The following CDH18 variants were observed in gnomAD, a reference collection of about 807,000 sequenced individuals.
CDH18 encodes the protein cadherin-18.
A neutral mutation model predicts 67.9 loss-of-function variants in CDH18; 31 were observed. The ratio of observed to expected loss-of-function variants is 0.46; its 90% confidence interval spans 0.34 to 0.62. The LOEUF (loss-of-function observed/expected upper bound fraction) is 0.62, where lower values mean the gene tolerates loss of function less well. Ranked by LOEUF, CDH18 falls within the 20% of genes least tolerant of loss-of-function variation. The probability of loss-of-function intolerance (pLI) is 0.01; values close to 1 mark genes in which losing one functional copy is unlikely to be tolerated. For missense variants in CDH18, 890 were observed against 975.5 expected (o/e 0.91, Z 1.17); for synonymous variants, 362 against 347.2 (o/e 1.04, Z -0.48).
intron 2 of CDH18, among the ~76,000 whole-genome samples, chr5:20,051,682 A>G (rs112815235): frequency 6.6e-6 from 1 of 152,174 alleles, no homozygotes; most frequent in African/African-American, 2.4e-5. Flanking sequence ...ATGGAGAATG[A>G]TAATTTAAAG....
intron 5 of CDH18, among the ~76,000 whole-genome samples, chr5:19,719,903 G>GAGAAAGAAAGAAAAAGAA (rs1765810825): frequency 2.3e-5 from 3 of 130,872 alleles, no homozygotes; most frequent in African/African-American, 9.1e-5. Context: ...AGTTAAGCAA[G>GAGAAAGAAAGAAAAAGAA]AGAAAGAAAG....
chr5:20,552,717 C>T (rs2126625680), intron 1 of CDH18, among the ~76,000 whole-genome samples: 1 of 151,912 alleles, frequency 6.6e-6, no homozygotes, highest in South Asian at 2.1e-4. Flanking sequence ...CGTGAAATTT[C>T]ATTTTCTCAA....
intron 1 of CDH18, among the ~76,000 whole-genome samples, chr5:20,390,348 C>CA (rs1298216876): frequency 6.6e-6 from 1 of 152,132 alleles, no homozygotes; most frequent in South Asian, 2.1e-4. Context: ...AGACACTTCT[C>CA]AAAGGAGAGA....
intron 2 of CDH18, among the ~76,000 whole-genome samples, chr5:20,066,147 G>C (rs1561762400): frequency 6.6e-6 from 1 of 151,910 alleles, no homozygotes; most frequent in Non-Finnish European, 1.5e-5. Flanking sequence ...AAGCCAAGCT[G>C]GAACATCAAC....
At chr5:19,540,143 T>C (rs958695755) in intron 9 of CDH18, among the ~76,000 whole-genome samples, 1 of 151,930 alleles carries the variant, frequency 6.6e-6, no homozygotes, top group Non-Finnish European at 1.5e-5. Context: ...ATGGGAAAAA[T>C]TGGCCGAAAC....
At chr5:19,625,312 C>T (rs556006322) in intron 5 of CDH18, among the ~76,000 whole-genome samples, 1 of 151,964 alleles carries the variant, frequency 6.6e-6, no homozygotes, top group East Asian at 1.9e-4. Context: ...TTGTTTTTGA[C>T]AAATTATTTG....
chr5:19,716,274 G>A (rs191411419), intron 5 of CDH18, among the ~76,000 whole-genome samples: 3 of 152,000 alleles, frequency 2.0e-5, no homozygotes, highest in Non-Finnish European at 4.4e-5. Flanking sequence ...TAATTAATTC[G>A]ATCAATTTAT....
intron 2 of CDH18, among the ~76,000 whole-genome samples, chr5:20,035,660 G>A (rs1163634986): frequency 6.6e-6 from 1 of 152,002 alleles, no homozygotes. Context: ...ACCTCCCACT[G>A]GGTCCATCCC....
intron 1 of CDH18, among the ~76,000 whole-genome samples, chr5:20,336,687 C>A (rs546527170): frequency 7.4e-6 from 1 of 134,366 alleles, no homozygotes; most frequent in South Asian, 2.4e-4. Flanking sequence ...CACACCACTG[C>A]ACTCCAGCCT....
chr5:19,628,464 A>G (rs1751888651), intron 5 of CDH18, among the ~76,000 whole-genome samples: 1 of 152,174 alleles, frequency 6.6e-6, no homozygotes. Flanking sequence ...TAAAAGAGAA[A>G]TGAAATAAAG....
chr5:20,312,745 A>G (rs571009536), intron 1 of CDH18, among the ~76,000 whole-genome samples: 2 of 152,240 alleles, frequency 1.3e-5, no homozygotes, highest in East Asian at 3.9e-4. Context: ...TATTAGTCTT[A>G]AAGATAGTTT....
At chr5:20,452,231 A>G (rs1469329192) in intron 1 of CDH18, among the ~76,000 whole-genome samples, 1 of 152,170 alleles carries the variant, frequency 6.6e-6, no homozygotes, top group Admixed American at 6.6e-5. Flanking sequence ...CATGGGATTG[A>G]TTTCATTAAC....
intron 1 of CDH18, among the ~76,000 whole-genome samples, chr5:20,300,301 T>C (rs73764934): frequency 0.051 from 3,500 of 68,962 alleles, 141 homozygotes; most frequent in African/African-American, 0.11. Flanking sequence ...GTTGTGTGTG[T>C]GCGTGTGTGT....
At chr5:20,362,682 A>G (rs1039298476) in intron 1 of CDH18, among the ~76,000 whole-genome samples, 1 of 152,152 alleles carries the variant, frequency 6.6e-6, no homozygotes, top group African/African-American at 2.4e-5. Context: ...CATGCTAGTG[A>G]TGCCTGGCAA....
At chr5:19,504,625 TTAAA>T (rs773321014) in intron 10 of CDH18, among the ~76,000 whole-genome samples, 11 of 152,070 alleles carry the variant, frequency 7.2e-5, no homozygotes, top group Non-Finnish European at 1.2e-4. Context: ...TTTTTAAGGG[TTAAA>T]TAAATATTTA....
At chr5:19,827,729 C>T (rs1276551415) in intron 3 of CDH18, among the ~76,000 whole-genome samples, 1 of 152,088 alleles carries the variant, frequency 6.6e-6, no homozygotes, top group Non-Finnish European at 1.5e-5. Flanking sequence ...ATCTGGGATA[C>T]ATCTAAAGCA....
chr5:20,483,070 T>C (rs868404843), intron 1 of CDH18, among the ~76,000 whole-genome samples: 6 of 152,098 alleles, frequency 3.9e-5, no homozygotes, highest in Admixed American at 2.6e-4. Flanking sequence ...TTCAGTAAAG[T>C]TGAAGGATGT....
chr5:19,664,162 T>C (rs931503709), intron 5 of CDH18, among the ~76,000 whole-genome samples: 2 of 151,928 alleles, frequency 1.3e-5, no homozygotes, highest in Non-Finnish European at 2.9e-5. Flanking sequence ...TTTAAATTTC[T>C]ATTTGACATT....
intron 2 of CDH18, among the ~76,000 whole-genome samples, chr5:20,000,882 CACT>C (rs1231031355): frequency 6.6e-6 from 1 of 152,076 alleles, no homozygotes; most frequent in Non-Finnish European, 1.5e-5. Flanking sequence ...GATCAGAAAA[CACT>C]ACAAGATATT....
Sources: gnomAD v4.1 joint callset for allele counts (sites outside exome capture counted in the v4.1 genomes callset) on GRCh38, gnomAD v4.1.1 for gene constraint, MANE v1.5 for transcripts, NCBI Gene and HGNC (gene_info 2026-07-23, HGNC 2026-07-21) for gene names.